COL25A1: variants seen among roughly 807,000 people sequenced by gnomAD.
COL25A1 encodes collagen alpha-1(XXV) chain.
COL25A1 carries 103 observed loss-of-function variants against 128.4 expected under a neutral mutation model. That is an observed-to-expected ratio of 0.80 (90% CI 0.68 to 0.94). COL25A1 has a LOEUF of 0.94. Ranked by LOEUF, COL25A1 falls within the 40% of genes least tolerant of loss-of-function variation. COL25A1 has a pLI of 0.00. For missense variants in COL25A1, 745 were observed against 840.0 expected (o/e 0.89, Z 1.40); for synonymous variants, 279 against 277.2 (o/e 1.01, Z -0.06).
At chr4:108,852,352 C>A in intron 25 of COL25A1, 72 bp from the exon 26 acceptor site, 1 of 1,041,864 alleles carries the variant, frequency 9.6e-7, no homozygotes, top group South Asian at 1.5e-5. Flanking sequence ...TAAATAGGCA[C>A]ACTATACACC....
chr4:108,881,120 G>T (rs572916734), intron 19 of COL25A1, among the ~76,000 whole-genome samples: 4 of 152,270 alleles, frequency 2.6e-5, no homozygotes, highest in Admixed American at 6.5e-5. Flanking sequence ...AGGACTTTTG[G>T]ATACTTCTGC....
At chr4:108,952,317 CA>C (rs144761680) in intron 8 of COL25A1, among the ~76,000 whole-genome samples, 6,626 of 149,076 alleles carry the variant, frequency 0.044, 371 homozygotes, top group African/African-American at 0.13. Context: ...CAAATAAACA[CA>C]AAAAAAAACT....
chr4:108,989,935 G>A (rs1432212296), intron 6 of COL25A1, among the ~76,000 whole-genome samples: 11 of 151,846 alleles, frequency 7.2e-5, no homozygotes, highest in Non-Finnish European at 1.2e-4. Context: ...CAAATACGCC[G>A]GGCGCAGTGG....
intron 16 of COL25A1, among the ~76,000 whole-genome samples, chr4:108,895,263 ATCT>A (rs1741989399): frequency 2.6e-5 from 4 of 152,196 alleles, no homozygotes; most frequent in Admixed American, 2.6e-4. Flanking sequence ...ACCATTATCC[ATCT>A]GTACTGTAGT....
chr4:109,183,014 A>G (rs554035074), intron 3 of COL25A1, among the ~76,000 whole-genome samples: 1 of 152,008 alleles, frequency 6.6e-6, no homozygotes, highest in Non-Finnish European at 1.5e-5. Flanking sequence ...TATTCTTCCA[A>G]TCTTTTTACC....
chr4:108,923,016 C>A (rs1235635192), intron 11 of COL25A1, among the ~76,000 whole-genome samples: 1 of 152,112 alleles, frequency 6.6e-6, no homozygotes, highest in African/African-American at 2.4e-5. Flanking sequence ...TAAGTACAGG[C>A]AGACAGACAC....
At chr4:108,859,424 A>G (rs189014708) in intron 24 of COL25A1, among the ~76,000 whole-genome samples, 13 of 152,332 alleles carry the variant, frequency 8.5e-5, no homozygotes, top group Non-Finnish European at 1.5e-5. Context: ...AGGCTTAACT[A>G]TATCTGAAGG....
intron 5 of COL25A1, among the ~76,000 whole-genome samples, chr4:109,023,460 C>T (rs1440293470): frequency 6.6e-6 from 1 of 152,130 alleles, no homozygotes; most frequent in Non-Finnish European, 1.5e-5. Flanking sequence ...AACAAGATAC[C>T]AGTGCTTAGG....
At chr4:108,922,533 A>G (rs1745601224) in intron 11 of COL25A1, among the ~76,000 whole-genome samples, 1 of 152,228 alleles carries the variant, frequency 6.6e-6, no homozygotes, top group Admixed American at 6.5e-5. Flanking sequence ...GAATATTTCA[A>G]ACAAAAATAA....
chr4:109,115,024 T>C (rs1202866348), intron 3 of COL25A1, among the ~76,000 whole-genome samples: 1 of 152,082 alleles, frequency 6.6e-6, no homozygotes. Flanking sequence ...ATTAAAAATT[T>C]ATGAACATAG....
At chr4:108,900,756 G>C (rs1212253857) in intron 14 of COL25A1, among the ~76,000 whole-genome samples, 5 of 151,970 alleles carry the variant, frequency 3.3e-5, no homozygotes, top group Non-Finnish European at 7.4e-5. Flanking sequence ...TCTTTAGTAA[G>C]GCATGTAAAT....
chr4:108,879,303 G>A (rs1361270808), intron 19 of COL25A1, among the ~76,000 whole-genome samples: 1 of 152,030 alleles, frequency 6.6e-6, no homozygotes, highest in African/African-American at 2.4e-5. Context: ...AAGCTTTGAA[G>A]CATGATACTA....
At chr4:109,054,785 C>T (rs564561570) in intron 3 of COL25A1, among the ~76,000 whole-genome samples, 8 of 152,110 alleles carry the variant, frequency 5.3e-5, no homozygotes, top group Non-Finnish European at 1.0e-4. Context: ...AGAGTGAGGA[C>T]GAAGCTGTTT....
chr4:109,294,088 G>A (rs1004966095), intron 3 of COL25A1, among the ~76,000 whole-genome samples: 4 of 152,076 alleles, frequency 2.6e-5, no homozygotes, highest in African/African-American at 9.7e-5. Context: ...ATAGGTGGAA[G>A]AAATTCCTTG....
intron 4 of COL25A1, among the ~76,000 whole-genome samples, chr4:109,049,391 A>G (rs1187243982): frequency 6.6e-6 from 1 of 152,220 alleles, no homozygotes; most frequent in Non-Finnish European, 1.5e-5. Flanking sequence ...CTCAGTTTCA[A>G]AAGAAATTTT....
intron 3 of COL25A1, among the ~76,000 whole-genome samples, chr4:109,244,696 G>T (rs1414848210): frequency 6.6e-6 from 1 of 152,062 alleles, no homozygotes; most frequent in African/African-American, 2.4e-5. Flanking sequence ...AACTTGCACT[G>T]CAGTCCCCAA....
intron 3 of COL25A1, among the ~76,000 whole-genome samples, chr4:109,167,037 G>C (rs1021605076): frequency 6.6e-6 from 1 of 152,098 alleles, no homozygotes; most frequent in Non-Finnish European, 1.5e-5. Context: ...AAATGAATAT[G>C]ATCAATGAGG....
chr4:108,836,871 G>A (rs1733874797), intron 31 of COL25A1, among the ~76,000 whole-genome samples: 2 of 152,138 alleles, frequency 1.3e-5, no homozygotes, highest in Non-Finnish European at 2.9e-5. Flanking sequence ...CTGAGGTCAG[G>A]AGTTTGAGAC....
intron 3 of COL25A1, among the ~76,000 whole-genome samples, chr4:109,178,251 A>C (rs1347075289): frequency 6.6e-6 from 1 of 152,242 alleles, no homozygotes; most frequent in Non-Finnish European, 1.5e-5. Context: ...CTAAAGAATC[A>C]AAATGCTAAA....
Sources: gnomAD v4.1 joint callset for allele counts (sites outside exome capture counted in the v4.1 genomes callset) on GRCh38, gnomAD v4.1.1 for gene constraint, MANE v1.5 for transcripts, NCBI Gene and HGNC (gene_info 2026-07-23, HGNC 2026-07-21) for gene names.